Variants in SCN9A observed in about 807,000 individuals in gnomAD.
SCN9A encodes sodium channel protein type 9 subunit alpha.
Under a neutral mutation model 187.0 loss-of-function variants are expected in SCN9A, and 131 were observed. The ratio of observed to expected loss-of-function variants is 0.70; its 90% confidence interval spans 0.61 to 0.81. The LOEUF is 0.81. SCN9A is among the 30% of genes least tolerant of loss of function. The pLI is 0.00. For missense variants in SCN9A, 2,252 were observed against 2,396.6 expected (o/e 0.94, Z 1.26); for synonymous variants, 809 against 808.6 (o/e 1.00, Z -0.01).
Position 166,199,474 on chromosome 2 carries a change from G to A in SCN9A, c.5165C>T (p.Pro1722Leu), listed in dbSNP as rs1161600733. The change falls in exon 27 of 27, where the codon CCT becomes CTT. Residue 1722 changes from proline (P) to leucine (L), a missense_variant. Transcript: ENST00000642356. Reference sequence around the variant, plus strand: ...ACAGTCTCCTTCAACTGAACTTCCAGGATGAACTTTTTTTGGGTCACAGTC... The same window carrying A: ...ACAGTCTCCTTCAACTGAACTTCCAAGATGAACTTTTTTTGGGTCACAGTC... ...PPDCDPKKVHPGSSVEGDCGN... is the reference protein window; with the variant it reads ...PPDCDPKKVHLGSSVEGDCGN... The A allele has an allele frequency of 6.2e-7, 1 of 1,614,168 alleles. No homozygotes were observed. The highest frequency in any genetic ancestry group is 8.5e-7 in the Non-Finnish European group (1 of 1,180,034).
At chr2:166,260,914 A>G (rs1485009769) in intron 17 of SCN9A, among the ~76,000 whole-genome samples, 2 of 151,836 alleles carry the variant, frequency 1.3e-5, no homozygotes, top group Non-Finnish European at 1.5e-5. Flanking sequence ...TGAAATTTCT[A>G]GTTTTTGCAG....
rs16851753 is a variant in SCN9A at position 166,197,012 on chromosome 2, C to A, written c.*1660G>T. ...TTAAATCCTCTTTCTTTTTAAATTGCCAGAACAACAAAAAATATGTGCTTT... is the reference window on the plus strand; with the variant it reads ...TTAAATCCTCTTTCTTTTTAAATTGACAGAACAACAAAAAATATGTGCTTT... On this transcript the variant is annotated 3_prime_UTR_variant, in exon 27 of 27. Coordinates refer to ENST00000642356, the MANE Select transcript of SCN9A (RefSeq NM_001365536.1). 2.0e-5 allele frequency: 3 copies of A among 151,576 alleles called. No homozygotes were observed. In the East Asian group the frequency reaches 5.8e-4, roughly 29 times the overall value. 9.4% of individuals were successfully genotyped at this position (151,576 alleles called of 1,614,324 possible). A position where few individuals can be genotyped will look rare whatever the true frequency, so the allele number is the denominator to read the frequency against.
At chr2:166,279,725 T>C (rs1375589808) in intron 14 of SCN9A, among the ~76,000 whole-genome samples, 1 of 152,084 alleles carries the variant, frequency 6.6e-6, no homozygotes, top group African/African-American at 2.4e-5. Flanking sequence ...TATTGTGTAT[T>C]TACTATATGC....
intron 17 of SCN9A, among the ~76,000 whole-genome samples, chr2:166,259,046 AT>A (rs1218692374): frequency 1.3e-5 from 2 of 151,780 alleles, no homozygotes; most frequent in Non-Finnish European, 3.0e-5. Context: ...TCACAAAAAA[AT>A]AATCAAATTG....
At chr2:166,331,601 C>A (rs969338590) in intron 1 of SCN9A, among the ~76,000 whole-genome samples, 8 of 152,156 alleles carry the variant, frequency 5.3e-5, no homozygotes, top group African/African-American at 1.9e-4. Flanking sequence ...TATTTTTCCT[C>A]AACATATTCA....
intron 1 of SCN9A, among the ~76,000 whole-genome samples, chr2:166,369,227 T>C (rs1230327566): frequency 6.6e-6 from 1 of 151,910 alleles, no homozygotes; most frequent in Non-Finnish European, 1.5e-5. Context: ...AAAGCAATAT[T>C]TAAGAAATTA....
In SCN9A at chr2:166,198,881, C is replaced by T. The variant is rs373922665; in HGVS notation, c.5758G>A (p.Gly1920Arg). Reference protein sequence around the residue: ...KNISSIYIKDGDRDDDLLNKK... With the variant: ...KNISSIYIKDRDRDDDLLNKK... Reference sequence around the variant, plus strand: ...TTGAGTAAATCATCATCTCTGTCTCCATCTTTTATGTATATACTTGATATA... The same window carrying T: ...TTGAGTAAATCATCATCTCTGTCTCTATCTTTTATGTATATACTTGATATA... The change falls in exon 27 of 27, where the codon GGA (glycine) becomes AGA (arginine). Residue 1920 changes from glycine to arginine, a missense_variant. Transcript: ENST00000642356. 6 of 1,613,532 alleles carry T rather than the reference C, an allele frequency of 3.7e-6. No homozygotes were observed. Among genetic ancestry groups the T allele is most frequent in the Non-Finnish European group, 5.1e-6 (6 of 1,179,670 alleles).
chr2:166,288,383 T>G (rs1442798583), intron 10 of SCN9A, 54 bp downstream of exon 10: 2 of 1,441,506 alleles, frequency 1.4e-6, no homozygotes, highest in Non-Finnish European at 1.9e-6. Context: ...GAGCCTCTGT[T>G]GTAACCGTTT....
At chr2:166,363,420 A>T (rs1225277877) in intron 1 of SCN9A, among the ~76,000 whole-genome samples, 1 of 152,074 alleles carries the variant, frequency 6.6e-6, no homozygotes, top group Non-Finnish European at 1.5e-5. Flanking sequence ...TAGAAAATGA[A>T]GGGTCCCTAA....
intron 17 of SCN9A, among the ~76,000 whole-genome samples, chr2:166,270,486 C>T (rs1347285854): frequency 6.6e-6 from 1 of 151,328 alleles, no homozygotes. Context: ...ACTTTACCGT[C>T]TTGGAAAAAA....
chr2:166,317,169 CT>C (rs1275788200), intron 1 of SCN9A, among the ~76,000 whole-genome samples: 2 of 151,396 alleles, frequency 1.3e-5, no homozygotes, highest in East Asian at 3.9e-4. Context: ...TTATACTTTA[CT>C]TTTCAAATTT....
intron 1 of SCN9A, among the ~76,000 whole-genome samples, chr2:166,332,958 TTTA>T (rs1296496312): frequency 2.0e-5 from 3 of 151,188 alleles, no homozygotes; most frequent in Non-Finnish European, 4.4e-5. Flanking sequence ...AAAATTATAT[TTTA>T]TTATATTTCA....
chr2:166,297,542 A>T (rs1444344831), intron 7 of SCN9A, among the ~76,000 whole-genome samples: 1 of 152,152 alleles, frequency 6.6e-6, no homozygotes, highest in Non-Finnish European at 1.5e-5. Context: ...TTCCATGTAT[A>T]TTAAATCTAC....
At chr2:166,261,561 G>C (rs1429559726) in intron 17 of SCN9A, among the ~76,000 whole-genome samples, 2 of 151,868 alleles carry the variant, frequency 1.3e-5, no homozygotes, top group African/African-American at 4.8e-5. Flanking sequence ...ATGGAGCCTA[G>C]GACATGGAGG....
At chr2:166,264,994 A>G (rs1696669825) in intron 17 of SCN9A, among the ~76,000 whole-genome samples, 1 of 151,994 alleles carries the variant, frequency 6.6e-6, no homozygotes, top group Non-Finnish European at 1.5e-5. Flanking sequence ...TGATACATGT[A>G]TACATTATAT....
At chr2:166,268,599 A>G (rs1574837126) in intron 17 of SCN9A, among the ~76,000 whole-genome samples, 3 of 152,062 alleles carry the variant, frequency 2.0e-5, no homozygotes, top group South Asian at 4.1e-4. Flanking sequence ...TCTGAATGGG[A>G]AAACAAAACA....
rs1559002945 is a variant in SCN9A at position 166,277,224 on chromosome 2, A to G, written c.2633T>C (p.Phe878Ser). Residue 878 changes from phenylalanine to serine, a missense_variant, in exon 16 of 27, where the codon TTC becomes TCC. This residue lies in a region of SCN9A where 119 missense variants were observed against 188.7 expected (regional missense o/e 0.63). Transcript: ENST00000642356. ...CTGCATGCCGACCACAGCAAAAATG[A>G]AGACGATGATGGCCAACACTAAGGT... ...NLTLVLAIIV[F>S]IFAVVGMQLF... 1 of 1,614,124 alleles carries G rather than the reference A, an allele frequency of 6.2e-7. No homozygotes were observed. Among genetic ancestry groups the G allele is most frequent in the Non-Finnish European group, 8.5e-7 (1 of 1,179,994 alleles).
chr2:166,308,307 T>C lies in SCN9A; in HGVS notation c.259-1233A>G, dbSNP rs182820808. 2.0e-5 allele frequency among the ~76,000 whole-genome samples: 3 copies of C among 152,322 alleles called. No homozygotes were observed. The East Asian group carries it at 5.8e-4, about 29-fold the overall frequency. On this transcript the variant is annotated intron_variant, in intron 2 of 26. Transcript: ENST00000642356. ...TTGGCTCTGTGTCCCCGCCCAAATC[T>C]CATTTTGAATTGTAATCCCCACGTC...
At chr2:166,217,023 T>C (rs549091176) in intron 24 of SCN9A, among the ~76,000 whole-genome samples, 2 of 152,050 alleles carry the variant, frequency 1.3e-5, no homozygotes. Flanking sequence ...TATTGGCTAA[T>C]GGAAAAGGAT....
Sources: allele counts gnomAD v4.1 joint callset (sites outside exome capture counted in the v4.1 genomes callset), GRCh38; gene constraint gnomAD v4.1.1; regional missense constraint gnomAD v4.1.1; transcripts MANE v1.5; gene names NCBI Gene and HGNC (gene_info 2026-07-23, HGNC 2026-07-21).